Variants in RABGAP1L observed in about 807,000 individuals in gnomAD.
The protein encoded by RABGAP1L is RAB GTPase activating protein 1 like.
RABGAP1L carries 63 observed loss-of-function variants against 137.7 expected under a neutral mutation model. The ratio of observed to expected loss-of-function variants is 0.46; its 90% confidence interval spans 0.37 to 0.56. The LOEUF (loss-of-function observed/expected upper bound fraction) is 0.56, where lower values mean the gene tolerates loss of function less well. RABGAP1L is among the 20% of genes least tolerant of loss of function. The pLI, the probability that RABGAP1L is intolerant of heterozygous loss-of-function variation, is 0.00. For missense variants in RABGAP1L, 1,095 were observed against 1,244.0 expected, an observed-to-expected ratio of 0.88 and a Z score of 1.80; for synonymous variants, 431 against 433.7, an observed-to-expected ratio of 0.99 and a Z score of 0.08.
At position 174,990,280 on chromosome 1, in the gene RABGAP1L, A is replaced by AT; in HGVS notation, c.*279_*280insT. 3.4e-6 allele frequency: 1 copy of AT among 292,460 alleles called. No individual in the cohort carries two copies. Among genetic ancestry groups the AT allele is most frequent in the Non-Finnish European group, 6.2e-6 (1 of 160,466 alleles). 18.1% of individuals were successfully genotyped at this position (292,460 alleles called of 1,614,324 possible). A position where few individuals can be genotyped will look rare whatever the true frequency, so the allele number is the denominator to read the frequency against. On this transcript the variant is annotated 3_prime_UTR_variant, in exon 26 of 26. Coordinates refer to ENST00000681986, the MANE Select transcript of RABGAP1L (RefSeq NM_001366446.1). Reference sequence around the variant, plus strand: ...GTTTGCCTGATGTTTAGTTGGAAATAAGTAATTCAGAACTAAATGCTTTTT... The same window carrying AT: ...GTTTGCCTGATGTTTAGTTGGAAATATAGTAATTCAGAACTAAATGCTTTTT...
chr1:174,961,845 CAAAAAAAAAAA>C (rs61233451), intron 20 of RABGAP1L, among the ~76,000 whole-genome samples: 29 of 88,726 alleles, frequency 3.3e-4, no homozygotes, highest in East Asian at 1.7e-3. Context: ...GACTCTGTCT[CAAAAAAAAAAA>C]AAAAAAAAAA....
chr1:174,164,217 A>C (rs1419312825), intron 1 of RABGAP1L, among the ~76,000 whole-genome samples: 1 of 151,996 alleles, frequency 6.6e-6, no homozygotes, highest in Non-Finnish European at 1.5e-5. Flanking sequence ...CTGATATTCC[A>C]TAAACCAAAT....
intron 13 of RABGAP1L, among the ~76,000 whole-genome samples, chr1:174,455,879 AT>A (rs1233596525): frequency 3.9e-5 from 6 of 152,112 alleles, no homozygotes; most frequent in Non-Finnish European, 5.9e-5. Context: ...GGAATCTGAG[AT>A]AAGATTTTTA....
In RABGAP1L at chr1:174,432,738, A is replaced by T. The variant is rs183358949; in HGVS notation, c.1710+38593A>T. Among the ~76,000 whole-genome samples the T allele has an allele frequency of 2.8e-3, 430 of 152,130 alleles. 5 individuals carry two copies. The highest frequency in any genetic ancestry group is 9.9e-3 in the African/African-American group (412 of 41,506). On this transcript the variant is annotated intron_variant, in intron 13 of 25. Coordinates refer to ENST00000681986, the MANE Select transcript of RABGAP1L (RefSeq NM_001366446.1). Reference sequence around the variant, plus strand: ...TTTTCAGTAGGGACAGGGTTTCACCATGTTGGCCAGGATGGTCTTGATCTC... The same window carrying T: ...TTTTCAGTAGGGACAGGGTTTCACCTTGTTGGCCAGGATGGTCTTGATCTC...
chr1:174,316,594 C>A (rs1211963152), intron 11 of RABGAP1L, among the ~76,000 whole-genome samples: 1 of 151,948 alleles, frequency 6.6e-6, no homozygotes, highest in Non-Finnish European at 1.5e-5. Flanking sequence ...AACAAACATT[C>A]TCTCTCTCTC....
intron 19 of RABGAP1L, among the ~76,000 whole-genome samples, chr1:174,921,301 GGTTTT>G (rs1661754452): frequency 6.6e-6 from 1 of 152,030 alleles, no homozygotes; most frequent in Non-Finnish European, 1.5e-5. Context: ...TGCATACCTG[GGTTTT>G]GTTTTGTTTT....
chr1:174,689,071 A>G (rs367603581), intron 15 of RABGAP1L, among the ~76,000 whole-genome samples: 1 of 152,132 alleles, frequency 6.6e-6, no homozygotes, highest in East Asian at 1.9e-4. Context: ...TAGTGGTTAC[A>G]TGCATCCTTT....
At chr1:174,889,794 A>G (rs1303526660) in intron 19 of RABGAP1L, among the ~76,000 whole-genome samples, 5 of 152,120 alleles carry the variant, frequency 3.3e-5, no homozygotes, top group Admixed American at 6.5e-5. Flanking sequence ...CAGTGGTGCA[A>G]TCACGGCTCA....
intron 13 of RABGAP1L, among the ~76,000 whole-genome samples, chr1:174,635,203 C>G (rs1226800396): frequency 3.9e-5 from 6 of 152,028 alleles, no homozygotes; most frequent in African/African-American, 1.4e-4. Context: ...AATGCATAAT[C>G]AGTTCCTAGG....
At chr1:174,919,700 T>C (rs1661484666) in intron 19 of RABGAP1L, among the ~76,000 whole-genome samples, 1 of 151,770 alleles carries the variant, frequency 6.6e-6, no homozygotes, top group Non-Finnish European at 1.5e-5. Flanking sequence ...CAAAAAAAAA[T>C]TAAAAAATTA....
chr1:174,551,021 T>TATATATATATACAC lies in RABGAP1L; in HGVS notation c.1711-86353_1711-86352insTATATATATACACA, dbSNP rs1553330343. Among the ~76,000 whole-genome samples the TATATATATATACAC allele has an allele frequency of 1.2e-3, 146 of 122,764 alleles. 2 individuals are homozygous for TATATATATATACAC. The highest frequency in any genetic ancestry group is 5.3e-3 in the African/African-American group (140 of 26,176). The allele number at this position is 122,764 out of a possible 152,430, so 80.5% of individuals were successfully genotyped here. On this transcript the variant is annotated intron_variant, in intron 13 of 25. Coordinates refer to ENST00000681986, the MANE Select transcript of RABGAP1L (RefSeq NM_001366446.1). The stretch of plus-strand genomic sequence containing the variant: ...ACACATATATATATATATATATATA[T>TATATATATATACAC]ACATACACACACACACATATATATA...
intron 18 of RABGAP1L, among the ~76,000 whole-genome samples, chr1:174,788,780 C>T (rs948018352): frequency 1.3e-5 from 2 of 152,134 alleles, no homozygotes; most frequent in Admixed American, 6.5e-5. Context: ...GGCATGATCT[C>T]GGCTTACTGG....
intron 1 of RABGAP1L, among the ~76,000 whole-genome samples, chr1:174,181,958 A>G (rs1017581705): frequency 6.6e-6 from 1 of 152,248 alleles, no homozygotes; most frequent in Non-Finnish European, 1.5e-5. Context: ...AAAATAGCAT[A>G]AATGAGGGAG....
chr1:174,372,065 C>T (rs1209298703), intron 12 of RABGAP1L, among the ~76,000 whole-genome samples: 1 of 152,026 alleles, frequency 6.6e-6, no homozygotes, highest in East Asian at 1.9e-4. Context: ...GCTGCTTCTC[C>T]TTTTTAAGCA....
At chr1:174,308,461 A>G (rs1354365895) in intron 11 of RABGAP1L, among the ~76,000 whole-genome samples, 1 of 151,988 alleles carries the variant, frequency 6.6e-6, no homozygotes, top group Non-Finnish European at 1.5e-5. Context: ...TGCCCAAACC[A>G]GTGTCATGGA....
intron 19 of RABGAP1L, among the ~76,000 whole-genome samples, chr1:174,870,270 TA>T (rs1247875816): frequency 6.6e-6 from 1 of 152,326 alleles, no homozygotes; most frequent in Admixed American, 6.5e-5. Context: ...TTTTTCCCTG[TA>T]AAAAATTATT....
chr1:174,412,123 G>T (rs935959231), intron 13 of RABGAP1L, among the ~76,000 whole-genome samples: 1 of 151,956 alleles, frequency 6.6e-6, no homozygotes, highest in African/African-American at 2.4e-5. Flanking sequence ...CTTTTCATAG[G>T]TATAGACATA....
At chr1:174,611,141 C>A (rs1671209347) in intron 13 of RABGAP1L, among the ~76,000 whole-genome samples, 1 of 148,048 alleles carries the variant, frequency 6.8e-6, no homozygotes, top group Non-Finnish European at 1.5e-5. Flanking sequence ...ATGCCTATGT[C>A]CTGAATGGTA....
intron 12 of RABGAP1L, among the ~76,000 whole-genome samples, chr1:174,392,311 A>G (rs1327688524): frequency 2.0e-5 from 3 of 152,188 alleles, no homozygotes; most frequent in Non-Finnish European, 4.4e-5. Context: ...TTATTTTTCT[A>G]TGCATGTCTA....
Sources: allele counts gnomAD v4.1 joint callset (sites outside exome capture counted in the v4.1 genomes callset), GRCh38; gene constraint gnomAD v4.1.1; transcripts MANE v1.5; gene names NCBI Gene and HGNC (gene_info 2026-07-23, HGNC 2026-07-21).